Variants in OLA1 observed in about 807,000 individuals in gnomAD.
OLA1 encodes the protein obg-like ATPase 1.
Under a neutral mutation model 48.4 loss-of-function variants are expected in OLA1, and 14 were observed. The observed-to-expected ratio is 0.29, with a 90% CI of 0.19 to 0.45. The LOEUF (loss-of-function observed/expected upper bound fraction) is 0.45. Among genes scored for constraint, OLA1 ranks in the 20% least tolerant of loss-of-function variants. The pLI, the probability that OLA1 is intolerant of heterozygous loss-of-function variation, is 1.00. For missense variants in OLA1, 325 were observed against 467.1 expected (o/e 0.70, Z 2.80); for synonymous variants, 127 against 150.4 (o/e 0.84, Z 1.14).
intron 5 of OLA1, among the ~76,000 whole-genome samples, chr2:174,126,821 C>T (rs1478966507): frequency 6.6e-6 from 1 of 152,158 alleles, no homozygotes; most frequent in African/African-American, 2.4e-5. Flanking sequence ...AATATGTTCT[C>T]TTGGGTGCTC....
At chr2:174,175,746 C>T (rs1340519843) in intron 4 of OLA1, among the ~76,000 whole-genome samples, 1 of 151,946 alleles carries the variant, frequency 6.6e-6, no homozygotes, top group African/African-American at 2.4e-5. Context: ...AAACATATAT[C>T]CATACAAACA....
At chr2:174,132,179 T>C (rs1686197856) in intron 5 of OLA1, among the ~76,000 whole-genome samples, 1 of 152,126 alleles carries the variant, frequency 6.6e-6, no homozygotes, top group African/African-American at 2.4e-5. Context: ...AGCCTATTGA[T>C]GTCTACAGAA....
intron 5 of OLA1, among the ~76,000 whole-genome samples, chr2:174,134,821 G>C (rs1035240996): frequency 1.3e-5 from 2 of 152,156 alleles, no homozygotes; most frequent in African/African-American, 4.8e-5. Context: ...TTGTTTTTAA[G>C]GAACAAGAAA....
intron 4 of OLA1, among the ~76,000 whole-genome samples, chr2:174,174,035 C>CAAAAAAAAAAAAAAAAAAAAAAAAAAA (rs112671944): frequency 7.4e-6 from 1 of 135,602 alleles, no homozygotes; most frequent in Non-Finnish European, 1.6e-5. Flanking sequence ...CACACACACA[C>CAAAAAAAAAAAAAAAAAAAAAAAAAAA]AAAAAAAAAA....
intron 4 of OLA1, among the ~76,000 whole-genome samples, chr2:174,177,953 C>CA (rs1299503548): frequency 2.6e-5 from 4 of 151,622 alleles, no homozygotes; most frequent in South Asian, 2.1e-4. Context: ...GAATAGATCT[C>CA]AAAAAAAACT....
chr2:174,191,902 C>T (rs1687785731), intron 4 of OLA1, among the ~76,000 whole-genome samples: 1 of 152,176 alleles, frequency 6.6e-6, no homozygotes, highest in Non-Finnish European at 1.5e-5. Context: ...TCGATCACAG[C>T]ACATATGTAC....
chr2:174,209,351 A>C (rs895561967), intron 4 of OLA1, among the ~76,000 whole-genome samples: 11 of 152,262 alleles, frequency 7.2e-5, no homozygotes, highest in Non-Finnish European at 1.0e-4. Context: ...TCTCTGATAT[A>C]TGACTAATTT....
intron 1 of OLA1, chr2:174,247,998 G>A: frequency 2.0e-6 from 1 of 492,022 alleles, no homozygotes; most frequent in East Asian, 3.6e-5. Flanking sequence ...CTGGGGCCCT[G>A]CCCTTGCAGT....
At chr2:174,101,931 A>C (rs1228691777) in intron 7 of OLA1, among the ~76,000 whole-genome samples, 1 of 152,252 alleles carries the variant, frequency 6.6e-6, no homozygotes, top group Non-Finnish European at 1.5e-5. Context: ...CAAAGACAGG[A>C]AAGTCCGAAA....
intron 7 of OLA1, among the ~76,000 whole-genome samples, chr2:174,085,961 T>C (rs1278904516): frequency 6.6e-6 from 1 of 152,106 alleles, no homozygotes; most frequent in African/African-American, 2.4e-5. Flanking sequence ...TTCAGGACAG[T>C]TGGTTCCTGC....
chr2:174,126,236 G>C lies in OLA1; in HGVS notation c.550-2561C>G, dbSNP rs556330991. Among the ~76,000 whole-genome samples the C allele has an allele frequency of 5.3e-5, 8 of 152,020 alleles. No homozygotes were observed. In the South Asian group the frequency reaches 1.7e-3, roughly 32 times the overall value. ...TGTTTGGATATAATACTTATTGGTT[G>C]ATTGAATTTATTTCCTTATGTTCAT... On this transcript the variant is annotated intron_variant, in intron 5 of 10. Transcript: ENST00000284719.
At chr2:174,190,232 G>A (rs530204409) in intron 4 of OLA1, among the ~76,000 whole-genome samples, 2 of 152,172 alleles carry the variant, frequency 1.3e-5, no homozygotes, top group Non-Finnish European at 2.9e-5. Context: ...AAACCTTCTC[G>A]GCATATACCT....
At chr2:174,125,786 A>T (rs1384036481) in intron 5 of OLA1, among the ~76,000 whole-genome samples, 2 of 152,168 alleles carry the variant, frequency 1.3e-5, no homozygotes, top group Non-Finnish European at 2.9e-5. Flanking sequence ...CACTCAAAAA[A>T]TTTTTTGCAG....
chr2:174,090,528 T>A (rs1685090365), intron 7 of OLA1, among the ~76,000 whole-genome samples: 1 of 152,080 alleles, frequency 6.6e-6, no homozygotes, highest in Non-Finnish European at 1.5e-5. Context: ...CCAATGGAGT[T>A]TGTGGGAAGG....
chr2:174,078,687 G>A (rs1478018374), intron 10 of OLA1, among the ~76,000 whole-genome samples: 4 of 151,638 alleles, frequency 2.6e-5, no homozygotes, highest in African/African-American at 7.2e-5. Flanking sequence ...CAAATTCTTC[G>A]AAATTATTTA....
intron 7 of OLA1, among the ~76,000 whole-genome samples, chr2:174,118,348 A>G (rs1022321462): frequency 2.0e-5 from 3 of 152,204 alleles, no homozygotes; most frequent in African/African-American, 7.2e-5. Context: ...CTTAATCTCT[A>G]GTGCAGATTT....
At chr2:174,113,109 T>G (rs935114330) in intron 7 of OLA1, among the ~76,000 whole-genome samples, 1 of 151,946 alleles carries the variant, frequency 6.6e-6, no homozygotes, top group African/African-American at 2.4e-5. Context: ...CCCAGCTAAT[T>G]TTTTTGTATT....
At chr2:174,125,727 T>C (rs914360050) in intron 5 of OLA1, among the ~76,000 whole-genome samples, 7 of 152,180 alleles carry the variant, frequency 4.6e-5, no homozygotes, top group African/African-American at 1.4e-4. Context: ...ACAAAAGCAT[T>C]TTGGCATTTG....
At chr2:174,236,148 A>C (rs2105461506) in intron 2 of OLA1, among the ~76,000 whole-genome samples, 1 of 152,200 alleles carries the variant, frequency 6.6e-6, no homozygotes, top group South Asian at 2.1e-4. Flanking sequence ...GAATCCAATA[A>C]AAATTATAAG....
Sources: gnomAD v4.1 joint callset for allele counts (sites outside exome capture counted in the v4.1 genomes callset) on GRCh38, gnomAD v4.1.1 for gene constraint, MANE v1.5 for transcripts, NCBI Gene and HGNC (gene_info 2026-07-23, HGNC 2026-07-21) for gene names.